Variants in GRIN2A observed in about 807,000 individuals in gnomAD.
GRIN2A encodes glutamate ionotropic receptor NMDA type subunit 2A, also known as glutamate receptor ionotropic, NMDA 2A.
In GRIN2A, 22 loss-of-function variants were observed where a neutral mutation model predicts 113.4. The ratio of observed to expected loss-of-function variants is 0.19; its 90% CI spans 0.14 to 0.28. The LOEUF is 0.28. Among genes scored for constraint, GRIN2A ranks in the 10% least tolerant of loss-of-function variants. GRIN2A has a pLI of 1.00. For synonymous variants in GRIN2A, 827 were observed against 738.4 expected, an observed-to-expected ratio of 1.12 and a Z score of -1.94; for missense variants, 1,502 against 1,887.0, an observed-to-expected ratio of 0.80 and a Z score of 3.78.
At chr16:9,983,771 T>C (rs145341410) in intron 2 of GRIN2A, among the ~76,000 whole-genome samples, 2,019 of 152,304 alleles carry the variant, frequency 0.013, 46 homozygotes, top group African/African-American at 0.046. Flanking sequence ...TGAATAGTAT[T>C]CCATTGTGTA....
rs369715407 is a variant in GRIN2A, at chr16:9,843,042, AAGAAAGAGAGAGAG to A, written c.1329-1952_1329-1939del. On this transcript the variant is annotated intron_variant, in intron 5 of 12. Coordinates refer to ENST00000330684, the MANE Select transcript of GRIN2A (RefSeq NM_001134407.3). ...GGGGGGAGAGGGAGAGATAGAAAGA[AAGAAAGAGAGAGAG>A]AGAAAGAGAGGGAGGGAGAGAGAAG... 5.4e-3 allele frequency among the ~76,000 whole-genome samples: 813 copies of A among 151,476 alleles called. 4 individuals carry two copies. The highest frequency in any genetic ancestry group is 9.3e-3 in the Non-Finnish European group (629 of 67,780).
chr16:9,944,126 A>C (rs1283056921), intron 2 of GRIN2A, among the ~76,000 whole-genome samples: 1 of 152,174 alleles, frequency 6.6e-6, no homozygotes, highest in African/African-American at 2.4e-5. Flanking sequence ...TGCCAAGAAA[A>C]GGAAATAATG....
intron 2 of GRIN2A, among the ~76,000 whole-genome samples, chr16:10,090,453 C>T (rs1221210122): frequency 6.6e-6 from 1 of 152,088 alleles, no homozygotes; most frequent in Non-Finnish European, 1.5e-5. Flanking sequence ...CTTTTCAACA[C>T]ATGATGCTGG....
intron 2 of GRIN2A, among the ~76,000 whole-genome samples, chr16:10,062,821 T>C (rs9927554): frequency 0.11 from 16,520 of 151,334 alleles, 1,050 homozygotes; most frequent in African/African-American, 0.16. Flanking sequence ...GCAGAGATTG[T>C]GCCACTGCAC....
intron 10 of GRIN2A, among the ~76,000 whole-genome samples, chr16:9,799,964 A>ATATTATTGTTAT (rs1018152206): frequency 3.2e-4 from 48 of 149,704 alleles, no homozygotes; most frequent in African/African-American, 1.0e-3. Flanking sequence ...CTGTGCCTAA[A>ATATTATTGTTAT]TATTATTATT....
At chr16:10,059,119 A>C (rs2047505791) in intron 2 of GRIN2A, among the ~76,000 whole-genome samples, 1 of 152,218 alleles carries the variant, frequency 6.6e-6, no homozygotes, top group African/African-American at 2.4e-5. Flanking sequence ...ATGTTGCTGG[A>C]GTGAACATAG....
At chr16:9,988,566 C>A (rs1168723762) in intron 2 of GRIN2A, among the ~76,000 whole-genome samples, 2 of 151,020 alleles carry the variant, frequency 1.3e-5, no homozygotes, top group Non-Finnish European at 3.0e-5. Context: ...CTCTCTCTAA[C>A]ACAAACACAC....
intron 2 of GRIN2A, among the ~76,000 whole-genome samples, chr16:10,074,727 G>A (rs2047835074): frequency 6.6e-6 from 1 of 152,198 alleles, no homozygotes; most frequent in Non-Finnish European, 1.5e-5. Flanking sequence ...TAGGGCTGGG[G>A]ACAAAGGGAG....
intron 2 of GRIN2A, among the ~76,000 whole-genome samples, chr16:10,080,256 G>A (rs994217880): frequency 1.3e-5 from 2 of 152,136 alleles, no homozygotes; most frequent in African/African-American, 4.8e-5. Context: ...AATATTTGTT[G>A]AATGAGCAAA....
chr16:9,831,658 G>A (rs1211810503), intron 8 of GRIN2A, among the ~76,000 whole-genome samples: 1 of 151,878 alleles, frequency 6.6e-6, no homozygotes, highest in Non-Finnish European at 1.5e-5. Flanking sequence ...TGGGACTACA[G>A]GAGCATACCA....
At chr16:9,959,538 G>C (rs537394623) in intron 2 of GRIN2A, among the ~76,000 whole-genome samples, 1 of 152,234 alleles carries the variant, frequency 6.6e-6, no homozygotes, top group African/African-American at 2.4e-5. Context: ...GATGTGCAAC[G>C]TATCAACTCT....
At chr16:10,171,099 T>C (rs2050032357) in intron 2 of GRIN2A, among the ~76,000 whole-genome samples, 2 of 152,192 alleles carry the variant, frequency 1.3e-5, no homozygotes, top group Non-Finnish European at 2.9e-5. Context: ...TCAAAATCTG[T>C]TATTTGTCTT....
intron 4 of GRIN2A, among the ~76,000 whole-genome samples, chr16:9,882,302 A>T (rs1342389669): frequency 1.3e-5 from 2 of 152,212 alleles, no homozygotes; most frequent in African/African-American, 2.4e-5. Flanking sequence ...TAGACCTGAT[A>T]GCACAATGAT....
At chr16:9,848,542 C>T (rs934454480) in intron 5 of GRIN2A, among the ~76,000 whole-genome samples, 8 of 149,566 alleles carry the variant, frequency 5.3e-5, no homozygotes, top group African/African-American at 7.3e-5. Context: ...TATAAAAATA[C>T]GATGTTTTAT....
rs890065901 is a variant in GRIN2A, at chr16:9,761,956, G to A, written c.*1193C>T. The A allele has an allele frequency of 3.5e-5, 7 of 202,160 alleles. No homozygotes were observed. Among genetic ancestry groups the A allele is most frequent in the Middle Eastern group, 3.2e-3 (2 of 630 alleles). 12.5% of individuals were successfully genotyped at this position (202,160 alleles called of 1,614,324 possible). A position where few individuals can be genotyped will look rare whatever the true frequency, so the allele number is the denominator to read the frequency against. On this transcript the variant is annotated 3_prime_UTR_variant, in exon 13 of 13. Coordinates refer to ENST00000330684, the MANE Select transcript of GRIN2A (RefSeq NM_001134407.3). Reference sequence around the variant, plus strand: ...CTCAGGGTAGATCCAAGAGTGCCTCGTGTTTTGAAGGCTTTTGATTTGAGG... The same window carrying A: ...CTCAGGGTAGATCCAAGAGTGCCTCATGTTTTGAAGGCTTTTGATTTGAGG...
At chr16:9,955,286 C>A (rs900290225) in intron 2 of GRIN2A, among the ~76,000 whole-genome samples, 1 of 152,218 alleles carries the variant, frequency 6.6e-6, no homozygotes, top group Non-Finnish European at 1.5e-5. Context: ...AATGACCTCT[C>A]GGCCACCTTG....
At chr16:10,162,737 A>G (rs946539151) in intron 2 of GRIN2A, among the ~76,000 whole-genome samples, 2 of 152,244 alleles carry the variant, frequency 1.3e-5, no homozygotes, top group Admixed American at 6.5e-5. Context: ...TTAGGACCCA[A>G]TATATGACTT....
intron 12 of GRIN2A, among the ~76,000 whole-genome samples, chr16:9,768,559 T>C (rs1405542363): frequency 6.6e-6 from 1 of 152,210 alleles, no homozygotes; most frequent in Non-Finnish European, 1.5e-5. Context: ...GTCCTCAGTA[T>C]TCCCTATCGT....
At chr16:9,941,269 C>T (rs2044868849) in intron 2 of GRIN2A, among the ~76,000 whole-genome samples, 1 of 152,174 alleles carries the variant, frequency 6.6e-6, no homozygotes, top group African/African-American at 2.4e-5. Context: ...CCTCCAACAC[C>T]CTTGCTCTAT....
Sources: gnomAD v4.1 joint callset for allele counts (sites outside exome capture counted in the v4.1 genomes callset) on GRCh38, gnomAD v4.1.1 for gene constraint, MANE v1.5 for transcripts, NCBI Gene and HGNC (gene_info 2026-07-23, HGNC 2026-07-21) for gene names.